The following BTBD10 variants were observed in gnomAD, a reference collection of about 807,000 sequenced individuals.
BTBD10 encodes BTB/POZ domain-containing protein 10.
In BTBD10, 21 loss-of-function variants were observed where a neutral mutation model predicts 53.2. The ratio of observed to expected loss-of-function variants is 0.39; its 90% CI spans 0.28 to 0.57. The LOEUF is 0.57. Ranked by LOEUF, BTBD10 falls within the 20% of genes least tolerant of loss-of-function variation. The probability of loss-of-function intolerance (pLI) is 0.53; values close to 1 mark genes in which losing one functional copy is unlikely to be tolerated. For synonymous variants in BTBD10, 149 were observed against 192.7 expected, an observed-to-expected ratio of 0.77 and a Z score of 1.88; for missense variants, 360 against 594.7, an observed-to-expected ratio of 0.61 and a Z score of 4.10.
intron 2 of BTBD10, 32 bp downstream of exon 2, chr11:13,444,992 T>C: frequency 1.3e-6 from 2 of 1,536,340 alleles, no homozygotes; most frequent in Non-Finnish European, 1.8e-6. Flanking sequence ...TTAGCAGAGC[T>C]TTCATATGCG....
At chr11:13,420,650 C>T (rs773349749) in intron 3 of BTBD10, among the ~76,000 whole-genome samples, 2 of 152,110 alleles carry the variant, frequency 1.3e-5, no homozygotes, top group Non-Finnish European at 2.9e-5. Context: ...ACTCAAACTA[C>T]TTAGAACACT....
intron 2 of BTBD10, among the ~76,000 whole-genome samples, chr11:13,433,990 A>G (rs546752245): frequency 6.6e-6 from 1 of 152,306 alleles, no homozygotes; most frequent in South Asian, 2.1e-4. Flanking sequence ...GGAAAAGGGA[A>G]GTTCTCAACT....
At chr11:13,462,322 T>C (rs764832757) in intron 1 of BTBD10, among the ~76,000 whole-genome samples, 9 of 152,184 alleles carry the variant, frequency 5.9e-5, no homozygotes, top group Non-Finnish European at 1.2e-4. Context: ...TGCAAGATAA[T>C]AAATCTTCGT....
intron 7 of BTBD10, 36 bp downstream of exon 7, chr11:13,405,623 T>C: frequency 6.2e-7 from 1 of 1,606,454 alleles, no homozygotes; most frequent in South Asian, 1.1e-5. Flanking sequence ...TAATTCGTGA[T>C]GATTCAGGGG....
intron 1 of BTBD10, among the ~76,000 whole-genome samples, chr11:13,446,319 T>G (rs533408466): frequency 6.6e-6 from 1 of 152,132 alleles, no homozygotes; most frequent in Non-Finnish European, 1.5e-5. Flanking sequence ...TACTATACTT[T>G]CCTGAGTTTT....
intron 4 of BTBD10, among the ~76,000 whole-genome samples, chr11:13,419,163 A>G (rs1255327957): frequency 6.6e-6 from 1 of 152,082 alleles, no homozygotes; most frequent in Non-Finnish European, 1.5e-5. Context: ...GATTCAATTT[A>G]CAGTCTCAAT....
At chr11:13,460,433 TTC>T (rs1483616685) in intron 1 of BTBD10, among the ~76,000 whole-genome samples, 2 of 152,168 alleles carry the variant, frequency 1.3e-5, no homozygotes, top group Non-Finnish European at 2.9e-5. Flanking sequence ...AGCACTCCCA[TTC>T]CCCATAACCC....
intron 8 of BTBD10, among the ~76,000 whole-genome samples, chr11:13,402,529 T>C (rs1258219521): frequency 6.6e-6 from 1 of 152,210 alleles, no homozygotes; most frequent in East Asian, 1.9e-4. Context: ...CCAAAGCTTT[T>C]ACTCTTTACA....
intron 5 of BTBD10, among the ~76,000 whole-genome samples, chr11:13,415,217 A>G (rs1018974340): frequency 6.7e-6 from 1 of 149,604 alleles, no homozygotes; most frequent in Non-Finnish European, 1.5e-5. Flanking sequence ...GGCTCAAAAG[A>G]TCTTCCCACC....
At chr11:13,393,104 T>C (rs1565225997) in intron 8 of BTBD10, among the ~76,000 whole-genome samples, 1 of 152,120 alleles carries the variant, frequency 6.6e-6, no homozygotes, top group African/African-American at 2.4e-5. Flanking sequence ...ATGATTTAGG[T>C]AAGAATTATT....
intron 5 of BTBD10, among the ~76,000 whole-genome samples, chr11:13,415,931 T>TA (rs1950096475): frequency 6.6e-6 from 1 of 151,556 alleles, no homozygotes; most frequent in Non-Finnish European, 1.5e-5. Context: ...GCTGGGATTA[T>TA]AGGCATGAAC....
intron 8 of BTBD10, among the ~76,000 whole-genome samples, chr11:13,396,831 G>C (rs530510847): frequency 6.2e-4 from 94 of 152,272 alleles, no homozygotes; most frequent in African/African-American, 2.1e-3. Context: ...CTGTTTATAT[G>C]CTGGATTACG....
chr11:13,413,674 G>T, intron 5 of BTBD10, 24 bp from the exon 6 acceptor site: 1 of 1,596,990 alleles, frequency 6.3e-7, no homozygotes. Context: ...AGTAAAGAAA[G>T]CATAAAATAT....
At chr11:13,429,458 T>C (rs1196524111) in intron 2 of BTBD10, among the ~76,000 whole-genome samples, 1 of 152,056 alleles carries the variant, frequency 6.6e-6, no homozygotes, top group African/African-American at 2.4e-5. Context: ...GATCAATGAA[T>C]CAGAATGAAG....
intron 6 of BTBD10, among the ~76,000 whole-genome samples, chr11:13,411,853 T>TG (rs1323577883): frequency 1.3e-5 from 2 of 151,660 alleles, no homozygotes; most frequent in African/African-American, 2.4e-5. Context: ...TTTTTTGAGA[T>TG]GGAGTTTCAC....
In BTBD10 at chr11:13,388,344, A is replaced by G. The variant is rs1229370710; in HGVS notation, c.*487T>C. The G allele has an allele frequency of 1.9e-5, 3 of 155,388 alleles. No individual in the cohort carries two copies. Among genetic ancestry groups the G allele is most frequent in the Non-Finnish European group, 4.3e-5 (3 of 69,646 alleles). 9.6% of individuals were successfully genotyped at this position (155,388 alleles called of 1,614,324 possible). A position where few individuals can be genotyped will look rare whatever the true frequency, so the allele number is the denominator to read the frequency against. ...TTTTGCTCATCAAGGGCAGCAAACT[A>G]TACAAATTGTACTGGAGGAATACTT... On this transcript the variant is annotated 3_prime_UTR_variant, in exon 9 of 9. Transcript: ENST00000278174.
intron 5 of BTBD10, 40 bp from the exon 6 acceptor site, chr11:13,413,690 G>A (rs1288220289): frequency 2.6e-6 from 4 of 1,568,376 alleles, no homozygotes; most frequent in Non-Finnish European, 3.5e-6. Flanking sequence ...AATATCTGGA[G>A]CATAAGGTAG....
intron 2 of BTBD10, among the ~76,000 whole-genome samples, chr11:13,428,908 G>A (rs1243531470): frequency 6.6e-6 from 1 of 152,112 alleles, no homozygotes; most frequent in Non-Finnish European, 1.5e-5. Flanking sequence ...GAACCAATGA[G>A]TTCAGCAAGG....
At position 13,388,628 on chromosome 11, in the gene BTBD10, T is replaced by A. The variant is rs1266055923; in HGVS notation, c.*203A>T. On this transcript the variant is annotated 3_prime_UTR_variant, in exon 9 of 9. Transcript: ENST00000278174. ...ACTGGTAAACAAATACATTTACAAC[T>A]GGAACTTCAAAATGCTAGAGTTGTA... 1 of 507,962 alleles carries A rather than the reference T, an allele frequency of 2.0e-6. No homozygotes were observed. The highest frequency in any genetic ancestry group is 3.4e-6 in the Non-Finnish European group (1 of 293,842). The allele number at this position is 507,962 out of a possible 1,614,324, so 31.5% of individuals were successfully genotyped here.
Sources: allele counts gnomAD v4.1 joint callset (sites outside exome capture counted in the v4.1 genomes callset), GRCh38; gene constraint gnomAD v4.1.1; transcripts MANE v1.5; gene names NCBI Gene and HGNC (gene_info 2026-07-23, HGNC 2026-07-21).